Variants in CUX2 observed in about 807,000 individuals in gnomAD.
CUX2 encodes the protein cut like homeobox 2, also known as homeobox protein cut-like 2.
Under a neutral mutation model 144.8 loss-of-function variants are expected in CUX2, and 40 were observed. That is an observed-to-expected ratio of 0.28 (90% CI 0.21 to 0.36). The LOEUF (loss-of-function observed/expected upper bound fraction) is 0.36. Ranked by LOEUF, CUX2 falls within the 10% of genes least tolerant of loss-of-function variation. The pLI is 1.00. For missense variants in CUX2, 1,615 were observed against 1,994.0 expected, an observed-to-expected ratio of 0.81 and a Z score of 3.62; for synonymous variants, 827 against 875.6, an observed-to-expected ratio of 0.94 and a Z score of 0.98.
intron 8 of CUX2, among the ~76,000 whole-genome samples, 179 bp from the exon 9 acceptor site, chr12:111,298,362 C>T (rs1220284114): frequency 6.6e-6 from 1 of 152,152 alleles, no homozygotes; most frequent in Admixed American, 6.5e-5. Flanking sequence ...AGGTGCAGTG[C>T]TGACGCCCTA....
rs1479803719 is a variant in CUX2 at position 111,057,972 on chromosome 12, T to C, written c.63+23732T>C. On this transcript the variant is annotated intron_variant, in intron 1 of 21. Transcript: ENST00000261726. This position sits in a 1 kb window ranked among gnomAD's most constrained non-coding sequence, Gnocchi z 5.1. ...CCCTCAGGCAACAGCACTTTTGAAA[T>C]CTCTGGATAGTTTTGAACTCTCTGT... Among the ~76,000 whole-genome samples, 1 of 152,232 alleles carries C rather than the reference T, an allele frequency of 6.6e-6. No homozygotes were observed. The highest frequency in any genetic ancestry group is 1.5e-5 in the Non-Finnish European group (1 of 68,032).
chr12:111,257,674 CT>C (rs562759588), intron 3 of CUX2, among the ~76,000 whole-genome samples: 86 of 135,144 alleles, frequency 6.4e-4, no homozygotes, highest in East Asian at 2.4e-3. Flanking sequence ...CTCTTCCCCC[CT>C]CTTCCTCCCT....
chr12:111,079,458 A>AC (rs1331685210), intron 1 of CUX2, among the ~76,000 whole-genome samples: 6 of 152,048 alleles, frequency 3.9e-5, no homozygotes, highest in Non-Finnish European at 8.8e-5. Flanking sequence ...GCCTGCAGTC[A>AC]CACAGCCCTA....
rs1275996747 is a variant in CUX2, at chr12:111,057,155, G to A, written c.63+22915G>A. On this transcript the variant is annotated intron_variant, in intron 1 of 21. Transcript: ENST00000261726. This position sits in a 1 kb window ranked among gnomAD's most constrained non-coding sequence, Gnocchi z 5.1. The stretch of plus-strand genomic sequence containing the variant: ...TGGTTGTGACGGGAGGTTGTGTGAC[G>A]AGAGTGAGTATGACAGGAAATGGCC... 1.3e-5 allele frequency among the ~76,000 whole-genome samples: 2 copies of A among 152,106 alleles called. No homozygotes were observed. The highest frequency in any genetic ancestry group is 4.8e-5 in the African/African-American group (2 of 41,400).
At chr12:111,158,779 G>A (rs570110840) in intron 1 of CUX2, among the ~76,000 whole-genome samples, 4 of 152,192 alleles carry the variant, frequency 2.6e-5, no homozygotes, top group East Asian at 1.9e-4. Context: ...AAAAAGATAC[G>A]AGGGCAGTCT....
chr12:111,175,084 G>A (rs1878766768), intron 1 of CUX2, among the ~76,000 whole-genome samples: 1 of 152,094 alleles, frequency 6.6e-6, no homozygotes. Context: ...AGTCTATAAT[G>A]CAATCAATTT....
chr12:111,317,469 T>C (rs1215859983), intron 16 of CUX2, among the ~76,000 whole-genome samples: 1 of 152,196 alleles, frequency 6.6e-6, no homozygotes, highest in Non-Finnish European at 1.5e-5. Context: ...CGTTCACTCA[T>C]GTAAATGACA....
chr12:111,194,974 T>C (rs1880149404), intron 1 of CUX2, among the ~76,000 whole-genome samples: 1 of 152,014 alleles, frequency 6.6e-6, no homozygotes, highest in South Asian at 2.1e-4. Flanking sequence ...CATCTCCCTC[T>C]CCCCAACCCT....
chr12:111,115,279 CTTT>C (rs869307048), intron 1 of CUX2, among the ~76,000 whole-genome samples: 10 of 88,758 alleles, frequency 1.1e-4, no homozygotes, highest in Non-Finnish European at 2.0e-4. Flanking sequence ...AATAAAATTT[CTTT>C]TTTTTTTTTT....
chr12:111,068,459 G>C lies in CUX2; in HGVS notation c.63+34219G>C, dbSNP rs1471639020. Among the ~76,000 whole-genome samples the C allele has an allele frequency of 2.0e-5, 3 of 152,178 alleles. No homozygotes were observed. Among genetic ancestry groups the C allele is most frequent in the Non-Finnish European group, 4.4e-5 (3 of 68,034 alleles). Reference sequence around the variant, plus strand: ...TGCGGTGAAGTGTCAGGCGTCACCCGGGGTGACTGTGGAGACGCCTGCAAC... The same window carrying C: ...TGCGGTGAAGTGTCAGGCGTCACCCCGGGTGACTGTGGAGACGCCTGCAAC... On this transcript the variant is annotated intron_variant, in intron 1 of 21. Transcript: ENST00000261726. The surrounding 1 kb of genome is among the most constrained non-coding windows in gnomAD (Gnocchi z 4.9).
Position 111,295,842 on chromosome 12 carries a change from G to A in CUX2, c.637+433G>A, listed in dbSNP as rs1885960334. On this transcript the variant is annotated intron_variant, in intron 7 of 21. Transcript: ENST00000261726. This position sits in a 1 kb window ranked among gnomAD's most constrained non-coding sequence, Gnocchi z 5.0. ...CCACCGACTTAGGGGAGGCGTTGGG[G>A]AGGGGTGAGGTCTGGGGCAAACTGG... 6.6e-6 allele frequency among the ~76,000 whole-genome samples: 1 copy of A among 152,014 alleles called. No individual in the cohort carries two copies. The highest frequency in any genetic ancestry group is 2.1e-4 in the South Asian group (1 of 4,816).
At chr12:111,148,068 A>G (rs186412918) in intron 1 of CUX2, among the ~76,000 whole-genome samples, 2 of 152,354 alleles carry the variant, frequency 1.3e-5, no homozygotes, top group East Asian at 1.9e-4. Context: ...ATTGGAAAGC[A>G]GGGACTCAGC....
intron 1 of CUX2, among the ~76,000 whole-genome samples, chr12:111,087,366 C>CAAAAAA (rs1159500448): frequency 1.7e-3 from 77 of 44,988 alleles, no homozygotes; most frequent in Middle Eastern, 0.015. Context: ...GACTCCATCT[C>CAAAAAA]AAAAAAAAAA....
chr12:111,233,304 C>T (rs1290340697), intron 3 of CUX2, among the ~76,000 whole-genome samples: 1 of 152,164 alleles, frequency 6.6e-6, no homozygotes, highest in African/African-American at 2.4e-5. Context: ...CCCTTGCAGA[C>T]CGCCTCTTAA....
intron 1 of CUX2, among the ~76,000 whole-genome samples, chr12:111,191,635 T>C (rs1031332177): frequency 5.3e-5 from 8 of 152,166 alleles, no homozygotes; most frequent in Admixed American, 2.0e-4. Flanking sequence ...CCTGCCACTG[T>C]TATTCTTATG....
rs188643484 is a variant in CUX2 at position 111,048,120 on chromosome 12, A to G, written c.63+13880A>G. Among the ~76,000 whole-genome samples the G allele has an allele frequency of 3.9e-5, 6 of 152,264 alleles. No individual in the cohort carries two copies. The East Asian group carries it at 1.2e-3, about 29-fold the overall frequency. ...CTGCTCACGCAGGCCCTTTTAGACC[A>G]CGGTAGTGGCTGGATTCCTTTGAAT... On this transcript the variant is annotated intron_variant, in intron 1 of 21. Transcript: ENST00000261726.
chr12:111,166,064 G>C (rs1257967721), intron 1 of CUX2, among the ~76,000 whole-genome samples: 1 of 152,144 alleles, frequency 6.6e-6, no homozygotes, highest in East Asian at 1.9e-4. Flanking sequence ...TGTCACCCAG[G>C]CTGGGGTGCA....
intron 3 of CUX2, among the ~76,000 whole-genome samples, chr12:111,226,223 C>T (rs1808182): frequency 0.018 from 2,702 of 152,316 alleles, 74 homozygotes; most frequent in African/African-American, 0.061. Flanking sequence ...GGATTACAGG[C>T]GTGAGCCATC....
chr12:111,133,204 T>C (rs980964828), intron 1 of CUX2, among the ~76,000 whole-genome samples: 20 of 152,318 alleles, frequency 1.3e-4, no homozygotes, highest in Admixed American at 1.3e-4. Context: ...CCCTCTAAAC[T>C]GTTCCAACCT....
Sources: gnomAD v4.1 joint callset for allele counts (sites outside exome capture counted in the v4.1 genomes callset) on GRCh38, gnomAD v4.1.1 for gene constraint, Gnocchi (gnomAD v3.1) non-coding constraint, MANE v1.5 for transcripts, NCBI Gene and HGNC (gene_info 2026-07-23, HGNC 2026-07-21) for gene names.